GPR180: variants seen among roughly 807,000 people sequenced by gnomAD.
The protein encoded by GPR180 is G protein-coupled receptor 180.
In GPR180, 53 loss-of-function variants were observed where a neutral mutation model predicts 52.6. The ratio of observed to expected loss-of-function variants is 1.01; its 90% CI spans 0.81 to 1.27. The LOEUF is 1.27. GPR180 is among the 50% of genes most tolerant of loss of function. GPR180 has a pLI of 0.00. For missense variants in GPR180, 533 were observed against 527.0 expected (o/e 1.01, Z -0.11); for synonymous variants, 200 against 193.1 (o/e 1.04, Z -0.30).
At position 94,631,030 on chromosome 13, in the gene GPR180, T is replaced by C; in HGVS notation, c.*3859T>C. On this transcript the variant is annotated 3_prime_UTR_variant, in exon 9 of 9. Coordinates refer to ENST00000376958, the MANE Select transcript of GPR180 (RefSeq NM_180989.6). ...TGCAGCTTATCCACATTATTGCTTATCTGTTGGCTTCTCTTGGCCTGTGGG... is the reference window on the plus strand; with the variant it reads ...TGCAGCTTATCCACATTATTGCTTACCTGTTGGCTTCTCTTGGCCTGTGGG... 6.6e-6 allele frequency: 1 copy of C among 152,352 alleles called. No homozygotes were observed. The highest frequency in any genetic ancestry group is 1.5e-5 in the Non-Finnish European group (1 of 68,032). 9.4% of individuals were successfully genotyped at this position (152,352 alleles called of 1,614,324 possible). A position where few individuals can be genotyped will look rare whatever the true frequency, so the allele number is the denominator to read the frequency against.
At chr13:94,621,341 ATT>A in intron 6 of GPR180, 106 bp downstream of exon 6, 1 of 812,154 alleles carries the variant, frequency 1.2e-6, no homozygotes, top group South Asian at 3.2e-5. Context: ...AATTTGTGTC[ATT>A]TTTTTTTTCT....
In GPR180 at chr13:94,630,497, A is replaced by T. The variant is rs1251404647; in HGVS notation, c.*3326A>T. 1 of 152,224 alleles carries T rather than the reference A, an allele frequency of 6.6e-6. No homozygotes were observed. 9.4% of individuals were successfully genotyped at this position (152,224 alleles called of 1,614,324 possible). On this transcript the variant is annotated 3_prime_UTR_variant, in exon 9 of 9. Transcript: ENST00000376958. Reference sequence around the variant, plus strand: ...ATCATATAAATCAGATCAAACTACTACTTCCCTGACAAAAACCCTCCATGT... The same window carrying T: ...ATCATATAAATCAGATCAAACTACTTCTTCCCTGACAAAAACCCTCCATGT...
chr13:94,620,998 A>G, intron 5 of GPR180, 80 bp from the exon 6 acceptor site: 1 of 1,326,524 alleles, frequency 7.5e-7, no homozygotes, highest in Non-Finnish European at 1.0e-6. Flanking sequence ...AAAAAAAAAA[A>G]AAGATGTTCT....
intron 3 of GPR180, among the ~76,000 whole-genome samples, chr13:94,616,416 C>G (rs189026604): frequency 6.6e-6 from 1 of 152,264 alleles, no homozygotes; most frequent in East Asian, 1.9e-4. Context: ...AATGTCTGTT[C>G]CAGGTGCTGC....
At chr13:94,607,937 G>A (rs528358465) in intron 2 of GPR180, among the ~76,000 whole-genome samples, 31 of 152,226 alleles carry the variant, frequency 2.0e-4, no homozygotes, top group African/African-American at 7.0e-4. Context: ...TGTTTGGCTG[G>A]TTGTTAGCTT....
At chr13:94,609,399 C>G (rs1282609987) in intron 2 of GPR180, among the ~76,000 whole-genome samples, 2 of 152,144 alleles carry the variant, frequency 1.3e-5, no homozygotes, top group African/African-American at 4.8e-5. Flanking sequence ...GTTTCCCAGC[C>G]TTGCCGAAAA....
intron 7 of GPR180, among the ~76,000 whole-genome samples, chr13:94,624,716 G>A (rs551836411): frequency 6.6e-6 from 1 of 152,226 alleles, no homozygotes; most frequent in Admixed American, 6.5e-5. Flanking sequence ...CTAAGTTTTT[G>A]TATTTTTAGT....
At chr13:94,603,572 G>A (rs1889588234) in intron 1 of GPR180, among the ~76,000 whole-genome samples, 1 of 152,136 alleles carries the variant, frequency 6.6e-6, no homozygotes, top group South Asian at 2.1e-4. Context: ...ACAATGAACT[G>A]TAACTCGGAA....
Position 94,605,425 on chromosome 13 carries a change from C to T in GPR180, c.180C>T (p.Asn60=), listed in dbSNP as rs1356789417. Residue 60 remains asparagine, a synonymous_variant, in exon 2 of 9, where the codon AAC becomes AAT. Transcript: ENST00000376958. ...DHALLCVRIN[N]IAVAVGKEAK... is the part of the protein sequence containing the mutation. ...CTCTTCTGTGTGTCAGAATCAACAACATAGCAGTAGCTGTTGGAAAAGAAG... is the reference window on the plus strand; with the variant it reads ...CTCTTCTGTGTGTCAGAATCAACAATATAGCAGTAGCTGTTGGAAAAGAAG... The T allele has an allele frequency of 7.4e-6, 12 of 1,614,056 alleles. No individual in the cohort carries two copies. The highest frequency in any genetic ancestry group is 5.0e-5 in the Admixed American group (3 of 60,008).
intron 6 of GPR180, 117 bp from the exon 7 acceptor site, chr13:94,622,992 T>C: frequency 1.4e-6 from 1 of 697,094 alleles, no homozygotes; most frequent in South Asian, 1.9e-5. Context: ...ACAACCTCTA[T>C]GGTCTGATAG....
chr13:94,617,796 A>T (rs569886597), intron 3 of GPR180, among the ~76,000 whole-genome samples: 52 of 152,334 alleles, frequency 3.4e-4, no homozygotes, highest in Non-Finnish European at 6.6e-4. Context: ...ATGAAAGTTC[A>T]TCCATAGACT....
intron 6 of GPR180, among the ~76,000 whole-genome samples, chr13:94,622,871 G>C (rs577720718): frequency 6.6e-6 from 1 of 152,120 alleles, no homozygotes; most frequent in African/African-American, 2.4e-5. Flanking sequence ...CACTGTGCCC[G>C]GCAGCAATAG....
chr13:94,610,486 G>A (rs987597842), intron 2 of GPR180, among the ~76,000 whole-genome samples: 1 of 152,042 alleles, frequency 6.6e-6, no homozygotes. Flanking sequence ...GCACTAGCAG[G>A]GCAGGTATCT....
Position 94,634,640 on chromosome 13 carries a change from C to G in GPR180, c.*7469C>G, listed in dbSNP as rs546751268. Reference sequence around the variant, plus strand: ...TTGTAATAAATTTCTGGTTGGCTCTCTTGTGTTTTCTAGGTAAACAACCGT... The same window carrying G: ...TTGTAATAAATTTCTGGTTGGCTCTGTTGTGTTTTCTAGGTAAACAACCGT... On this transcript the variant is annotated 3_prime_UTR_variant, in exon 9 of 9. Coordinates refer to ENST00000376958, the MANE Select transcript of GPR180 (RefSeq NM_180989.6). 34 of 152,216 alleles carry G rather than the reference C, an allele frequency of 2.2e-4. No homozygotes were observed. The highest frequency in any genetic ancestry group is 6.5e-4 in the African/African-American group (27 of 41,554). 9.4% of individuals were successfully genotyped at this position (152,216 alleles called of 1,614,324 possible).
intron 3 of GPR180, among the ~76,000 whole-genome samples, chr13:94,615,298 T>G (rs1889763194): frequency 6.6e-6 from 1 of 152,258 alleles, no homozygotes; most frequent in African/African-American, 2.4e-5. Flanking sequence ...TAGAAACTTC[T>G]GCTAGTTTGC....
intron 3 of GPR180, among the ~76,000 whole-genome samples, chr13:94,616,200 C>A (rs1487950540): frequency 6.6e-6 from 1 of 152,132 alleles, no homozygotes; most frequent in African/African-American, 2.4e-5. Flanking sequence ...TTTTTCAGAA[C>A]TGGGTCATAG....
chr13:94,602,011 C>A lies in GPR180; in HGVS notation c.84C>A (p.Ser28Arg). 6.8e-7 allele frequency: 1 copy of A among 1,472,326 alleles called. No individual in the cohort carries two copies. Among genetic ancestry groups the A allele is most frequent in the Non-Finnish European group, 9.0e-7 (1 of 1,113,108 alleles). 91.2% of individuals were successfully genotyped at this position (1,472,326 alleles called of 1,614,324 possible). The change falls in exon 1 of 9, where the codon AGC (serine) becomes AGA (arginine). Residue 28 changes from serine (S) to arginine (R), a missense_variant. Ser to Arg is a moderately radical substitution (Grantham distance 110). Transcript: ENST00000376958. Reference sequence around the variant, plus strand: ...GCCAGGGTAAGACCCTGCGGGGCAGCTTCAGCAGCACCGCGGCCCAGGACG... The same window carrying A: ...GCCAGGGTAAGACCCTGCGGGGCAGATTCAGCAGCACCGCGGCCCAGGACG... ...QGSQGKTLRGSFSSTAAQDAQ... is the reference protein window; with the variant it reads ...QGSQGKTLRGRFSSTAAQDAQ...
In GPR180 at chr13:94,618,748, T is replaced by G. The variant is rs568287742; in HGVS notation, c.506-402T>G. 7.9e-5 allele frequency among the ~76,000 whole-genome samples: 12 copies of G among 152,304 alleles called. No individual in the cohort carries two copies. The South Asian group carries it at 2.5e-3, about 32-fold the overall frequency. ...GATGCATTGTCAGGGCATATTAAAC[T>G]GTTATTGACTGAGGTAATCTATTTC... On this transcript the variant is annotated intron_variant, in intron 3 of 8. Transcript: ENST00000376958.
chr13:94,623,289 A>C lies in GPR180; in HGVS notation c.1075A>C (p.Thr359Pro). ...TACACTCAAAAGGGAGTTCTACATC[A>C]CATTTGCCAAAGTATGGGTTTGGAA... ...RSTLKREFYI[T>P]FAKGCILWFL... is the part of the protein sequence containing the mutation. Residue 359 changes from threonine to proline, a missense_variant, in exon 7 of 9, where the codon ACA (threonine) becomes CCA (proline). Physicochemically the swap from Thr to Pro is conservative, Grantham distance 38. Transcript: ENST00000376958. 1.2e-6 allele frequency: 2 copies of C among 1,610,806 alleles called. No homozygotes were observed. The highest frequency in any genetic ancestry group is 1.7e-6 in the Non-Finnish European group (2 of 1,177,972).
Sources: gnomAD v4.1 joint callset for allele counts (sites outside exome capture counted in the v4.1 genomes callset) on GRCh38, gnomAD v4.1.1 for gene constraint, MANE v1.5 for transcripts, NCBI Gene and HGNC (gene_info 2026-07-23, HGNC 2026-07-21) for gene names.